STX12: variants seen among roughly 807,000 people sequenced by gnomAD.
The protein encoded by STX12 is syntaxin 12.
In STX12, 17 loss-of-function variants were observed where a neutral mutation model predicts 42.2. The observed-to-expected ratio is 0.40, with a 90% confidence interval of 0.28 to 0.60. The LOEUF is 0.60. STX12 is among the 20% of genes least tolerant of loss of function. The pLI, the probability that STX12 is intolerant of heterozygous loss-of-function variation, is 0.39. For missense variants in STX12, 297 were observed against 330.9 expected, an observed-to-expected ratio of 0.90 and a Z score of 0.79; for synonymous variants, 108 against 116.7, an observed-to-expected ratio of 0.93 and a Z score of 0.48.
intron 8 of STX12, among the ~76,000 whole-genome samples, chr1:27,821,422 A>G (rs903017671): frequency 6.6e-6 from 1 of 152,200 alleles, no homozygotes; most frequent in Non-Finnish European, 1.5e-5. Flanking sequence ...CTAAACATTA[A>G]GTGAGGAAAA....
chr1:27,794,307 G>A (rs1025234797), intron 3 of STX12, among the ~76,000 whole-genome samples: 2 of 152,166 alleles, frequency 1.3e-5, no homozygotes, highest in Non-Finnish European at 2.9e-5. Flanking sequence ...GATTACAGGC[G>A]TGAGCCCCAT....
chr1:27,786,372 T>A (rs573069760), intron 1 of STX12, among the ~76,000 whole-genome samples: 1 of 152,310 alleles, frequency 6.6e-6, no homozygotes, highest in Admixed American at 6.5e-5. Flanking sequence ...AGTGTCACCT[T>A]ATCAGAGAGG....
chr1:27,823,214 G>A lies in STX12; in HGVS notation c.*885G>A, dbSNP rs990088400. 2.0e-5 allele frequency: 3 copies of A among 152,212 alleles called. No individual in the cohort carries two copies. The highest frequency in any genetic ancestry group is 6.5e-5 in the Admixed American group (1 of 15,282). 9.4% of individuals were successfully genotyped at this position (152,212 alleles called of 1,614,324 possible). A position where few individuals can be genotyped will look rare whatever the true frequency, so the allele number is the denominator to read the frequency against. ...TCTACATTCCTGGTGAATGATGAAT[G>A]TTGCTGTCAAAGGGCTGCCCCCTAC... On this transcript the variant is annotated 3_prime_UTR_variant, in exon 9 of 9. Coordinates refer to ENST00000373943, the MANE Select transcript of STX12 (RefSeq NM_177424.3).
In STX12 at chr1:27,814,575, G is replaced by A. The variant is rs572029039; in HGVS notation, c.576+2307G>A. Among the ~76,000 whole-genome samples, 14 of 151,980 alleles carry A rather than the reference G, an allele frequency of 9.2e-5. No homozygotes were observed. The East Asian group carries it at 1.7e-3, about 19-fold the overall frequency. ...TTCAAAGAAAAATTACTAGCCGGGC[G>A]CGGTGGCTCATGCCTGTAATCCCAG... is the stretch of plus-strand genomic sequence containing the variant. On this transcript the variant is annotated intron_variant, in intron 6 of 8. Transcript: ENST00000373943.
chr1:27,790,028 G>A (rs1321729781), intron 2 of STX12, among the ~76,000 whole-genome samples: 1 of 152,030 alleles, frequency 6.6e-6, no homozygotes, highest in Non-Finnish European at 1.5e-5. Flanking sequence ...CATAGGTTCT[G>A]CACCTGTGGG....
At chr1:27,789,674 T>A in intron 2 of STX12, 43 bp downstream of exon 2, 5 of 1,482,464 alleles carry the variant, frequency 3.4e-6, no homozygotes, top group Middle Eastern at 1.7e-4. Flanking sequence ...GAGGGCCATT[T>A]GAGGACACAG....
At chr1:27,794,880 C>T (rs1391442210) in intron 3 of STX12, among the ~76,000 whole-genome samples, 5 of 152,136 alleles carry the variant, frequency 3.3e-5, no homozygotes, top group South Asian at 2.1e-4. Flanking sequence ...CACCACCACA[C>T]GCAGCTAAAT....
chr1:27,778,196 G>A (rs567049628), intron 1 of STX12, among the ~76,000 whole-genome samples: 31 of 152,322 alleles, frequency 2.0e-4, no homozygotes, highest in African/African-American at 7.2e-4. Flanking sequence ...ACATCAGCCT[G>A]AGATAAGGCA....
At chr1:27,819,824 G>T in intron 8 of STX12, 92 bp downstream of exon 8, 1 of 1,115,476 alleles carries the variant, frequency 9.0e-7, no homozygotes, top group Admixed American at 2.2e-5. Context: ...TACAGCCTTT[G>T]CTTAGGTTTA....
intron 1 of STX12, among the ~76,000 whole-genome samples, chr1:27,779,638 A>C (rs1057354826): frequency 3.3e-5 from 5 of 151,618 alleles, no homozygotes; most frequent in African/African-American, 1.2e-4. Flanking sequence ...GGCCTGAATC[A>C]GATCTTAATA....
At chr1:27,812,443 G>GTT (rs67267768) in intron 6 of STX12, among the ~76,000 whole-genome samples, 175 bp downstream of exon 6, 10,028 of 144,558 alleles carry the variant, frequency 0.069, 668 homozygotes, top group East Asian at 0.25. Context: ...GGTTTTTTTT[G>GTT]TTTTTTTTTT....
chr1:27,804,818 A>C (rs548544776), intron 4 of STX12, among the ~76,000 whole-genome samples: 2 of 152,272 alleles, frequency 1.3e-5, no homozygotes, highest in South Asian at 4.1e-4. Flanking sequence ...CTCAAAAAAA[A>C]AAAAAGGAAG....
intron 8 of STX12, chr1:27,819,991 G>T (rs1405180839): frequency 6.7e-6 from 2 of 296,952 alleles, no homozygotes; most frequent in Non-Finnish European, 1.3e-5. Flanking sequence ...ACCTAAATCT[G>T]CTATGAGGCT....
In STX12 at chr1:27,778,798, T is replaced by G. The variant is rs530710039; in HGVS notation, c.118+5373T>G. Among the ~76,000 whole-genome samples the G allele has an allele frequency of 4.6e-5, 7 of 152,270 alleles. No individual in the cohort carries two copies. In the East Asian group the frequency reaches 1.3e-3, roughly 29 times the overall value. On this transcript the variant is annotated intron_variant, in intron 1 of 8. Transcript: ENST00000373943. ...TAAGAAGAGTGGAGGTCTCACTCTG[T>G]CACCCAGGCTGGAATGCAGTGTGCA...
At chr1:27,817,992 C>A in intron 7 of STX12, 69 bp downstream of exon 7, 2 of 1,368,760 alleles carry the variant, frequency 1.5e-6, no homozygotes, top group Non-Finnish European at 2.1e-6. Flanking sequence ...GTAATCCCAG[C>A]TACTCAGAAG....
intron 3 of STX12, among the ~76,000 whole-genome samples, chr1:27,798,643 T>TA (rs2088803536): frequency 1.4e-5 from 1 of 70,882 alleles, no homozygotes; most frequent in African/African-American, 8.1e-5. Flanking sequence ...AGACTCCCTC[T>TA]CAAAAAAAAA....
rs1377534386 is a variant in STX12 at position 27,823,549 on chromosome 1, T to C, written c.*1220T>C. The stretch of plus-strand genomic sequence containing the variant: ...AACATAATTTGTTTAGGCTCCCACA[T>C]AAATGTGAATCTGGCCAACAACTTT... On this transcript the variant is annotated 3_prime_UTR_variant, in exon 9 of 9. Transcript: ENST00000373943. 1 of 152,658 alleles carries C rather than the reference T, an allele frequency of 6.6e-6. No individual in the cohort carries two copies. The highest frequency in any genetic ancestry group is 1.5e-5 in the Non-Finnish European group (1 of 68,036). 9.5% of individuals were successfully genotyped at this position (152,658 alleles called of 1,614,324 possible). A position where few individuals can be genotyped will look rare whatever the true frequency, so the allele number is the denominator to read the frequency against.
chr1:27,801,091 G>A (rs529159488), intron 3 of STX12, among the ~76,000 whole-genome samples: 1 of 152,200 alleles, frequency 6.6e-6, no homozygotes, highest in African/African-American at 2.4e-5. Context: ...GCAGTTCTTT[G>A]GAGATTACTT....
rs746355894 is a variant in STX12 at position 27,819,807 on chromosome 1, G to A, written c.732+75G>A. ...CCATCAGAGTACATTGACATATTGA[G>A]AACAGCTACAGCCTTTGCTTAGGTT... On this transcript the variant is annotated intron_variant, in intron 8 of 8. Coordinates refer to ENST00000373943, the MANE Select transcript of STX12 (RefSeq NM_177424.3). 5 of 1,279,424 alleles carry A rather than the reference G, an allele frequency of 3.9e-6. No individual in the cohort carries two copies. In the African/African-American group the frequency reaches 7.4e-5, roughly 19 times the overall value. The allele number at this position is 1,279,424 out of a possible 1,614,324, so 79.3% of individuals were successfully genotyped here.
Sources: gnomAD v4.1 joint callset for allele counts (sites outside exome capture counted in the v4.1 genomes callset) on GRCh38, gnomAD v4.1.1 for gene constraint, MANE v1.5 for transcripts, NCBI Gene and HGNC (gene_info 2026-07-23, HGNC 2026-07-21) for gene names.